Variants in SVIL observed in about 807,000 individuals in gnomAD.
The protein encoded by SVIL is supervillin.
A neutral mutation model predicts 240.4 loss-of-function variants in SVIL; 101 were observed. The ratio of observed to expected loss-of-function variants is 0.42; its 90% CI spans 0.36 to 0.50. The LOEUF (loss-of-function observed/expected upper bound fraction) is 0.50, where lower values mean the gene tolerates loss of function less well. Ranked by LOEUF, SVIL falls within the 20% of genes least tolerant of loss-of-function variation. The probability of loss-of-function intolerance (pLI) is 0.01; values close to 1 mark genes in which losing one functional copy is unlikely to be tolerated. For synonymous variants in SVIL, 999 were observed against 1,100.0 expected (o/e 0.91, Z 1.82); for missense variants, 2,512 against 2,818.7 (o/e 0.89, Z 2.46).
At position 29,481,878 on chromosome 10, in the gene SVIL, A is replaced by G. The variant is rs531783968; in HGVS notation, c.4956-150T>C. 6.5e-6 allele frequency: 5 copies of G among 774,592 alleles called. No homozygotes were observed. The African/African-American group carries it at 8.8e-5, about 14-fold the overall frequency. The allele number at this position is 774,592 out of a possible 1,614,324, so 48.0% of individuals were successfully genotyped here. On this transcript the variant is annotated intron_variant, in intron 27 of 37. Coordinates refer to ENST00000355867, the MANE Select transcript of SVIL (RefSeq NM_021738.3). Reference sequence around the variant, plus strand: ...TAAAGTAAATGGTTTATTTTCCTGCATTTTACCAAATAATGACATTTTGTT... The same window carrying G: ...TAAAGTAAATGGTTTATTTTCCTGCGTTTTACCAAATAATGACATTTTGTT...
At chr10:29,670,621 T>G (rs1959691846) in intron 2 of SVIL, among the ~76,000 whole-genome samples, 1 of 152,034 alleles carries the variant, frequency 6.6e-6, no homozygotes, top group African/African-American at 2.4e-5. Context: ...ATAGATTATT[T>G]TCTTCAGCTG....
rs1441371965 is a variant in SVIL at position 29,554,890 on chromosome 10, G to A, written c.53C>T (p.Thr18Ile). ...GCAGCTCTGCAAGAGGATGGGCTGAGTGTCATTTTCAATCCCTTCCAGGCG... is the reference window on the plus strand; with the variant it reads ...GCAGCTCTGCAAGAGGATGGGCTGAATGTCATTTTCAATCCCTTCCAGGCG... The part of the protein sequence containing the change: ...ARRLEGIEND[T>I]QPILLQSCTG... The change falls in exon 5 of 38, where the codon ACT becomes ATT. Residue 18 changes from threonine (T) to isoleucine (I), a missense_variant. Physicochemically the swap from Thr to Ile is moderately conservative, Grantham distance 89 (BLOSUM62 -1). Around this residue, in one of 3 missense-constraint regions of SVIL, gnomAD observed 1,443 missense variants for 1,486.6 expected, o/e 0.97. Coordinates refer to ENST00000355867, the MANE Select transcript of SVIL (RefSeq NM_021738.3). 2 of 1,613,648 alleles carry A rather than the reference G, an allele frequency of 1.2e-6. No homozygotes were observed. The highest frequency in any genetic ancestry group is 1.7e-6 in the Non-Finnish European group (2 of 1,179,818).
chr10:29,729,545 T>C (rs1021049041), intron 1 of SVIL, among the ~76,000 whole-genome samples: 27 of 150,514 alleles, frequency 1.8e-4, no homozygotes, highest in Admixed American at 5.3e-4. Flanking sequence ...TGTTTAAAAG[T>C]TGGCAATTGG....
chr10:29,637,046 C>A (rs369285207), upstream of SVIL, among the ~76,000 whole-genome samples: 6 of 152,156 alleles, frequency 3.9e-5, no homozygotes, highest in African/African-American at 1.4e-4. Flanking sequence ...TGGGCTCCAG[C>A]TGTCCTCCCA....
At chr10:29,524,820 C>G in intron 13 of SVIL, 105 bp from the exon 14 acceptor site, 1 of 1,541,978 alleles carries the variant, frequency 6.5e-7, no homozygotes, top group Non-Finnish European at 8.7e-7. Flanking sequence ...TTGCAAAGGG[C>G]TTCTTTTTCC....
intron 1 of SVIL, among the ~76,000 whole-genome samples, chr10:29,730,673 A>C (rs1964567224): frequency 6.6e-6 from 1 of 152,244 alleles, no homozygotes. Flanking sequence ...TTGTGGGTGC[A>C]ACTCAGCAAC....
chr10:29,575,856 G>T (rs960295194), intron 1 of SVIL, among the ~76,000 whole-genome samples: 11 of 152,046 alleles, frequency 7.2e-5, no homozygotes, highest in African/African-American at 2.4e-4. Flanking sequence ...TTTTTTAAGG[G>T]TTGAGAAATA....
chr10:29,572,775 A>AAAAG (rs1554860627), intron 1 of SVIL, among the ~76,000 whole-genome samples: 7 of 151,200 alleles, frequency 4.6e-5, no homozygotes, highest in African/African-American at 9.7e-5. Context: ...AAAAAAAAAA[A>AAAAG]AAAAAAGAAA....
intron 1 of SVIL, chr10:29,602,362 G>C: frequency 2.0e-6 from 1 of 508,208 alleles, no homozygotes; most frequent in Admixed American, 2.1e-5. Flanking sequence ...TGCCGTACCT[G>C]CTTAACCTGC....
chr10:29,629,972 T>C (rs756935101), intron 1 of SVIL, among the ~76,000 whole-genome samples: 3 of 150,136 alleles, frequency 2.0e-5, no homozygotes, highest in Non-Finnish European at 4.5e-5. Context: ...CAGGCAAGAC[T>C]GTCTCAAAAA....
chr10:29,676,267 C>G (rs1487165415), intron 2 of SVIL, among the ~76,000 whole-genome samples: 1 of 152,202 alleles, frequency 6.6e-6, no homozygotes, highest in Non-Finnish European at 1.5e-5. Context: ...GTGTGGTGAA[C>G]AGCAGCAGGA....
At chr10:29,719,915 G>GA (rs200727454) in intron 1 of SVIL, among the ~76,000 whole-genome samples, 125 of 152,268 alleles carry the variant, frequency 8.2e-4, no homozygotes, top group Non-Finnish European at 1.0e-3. Flanking sequence ...AATAATGGCT[G>GA]AAAAATTATG....
chr10:29,649,552 TG>T (rs769340139), intron 3 of SVIL, among the ~76,000 whole-genome samples: 1 of 152,184 alleles, frequency 6.6e-6, no homozygotes, highest in Non-Finnish European at 1.5e-5. Context: ...TTAAAAATAT[TG>T]TGTTATGGTA....
chr10:29,718,080 C>G (rs1963738022), intron 1 of SVIL, among the ~76,000 whole-genome samples: 1 of 152,076 alleles, frequency 6.6e-6, no homozygotes, highest in African/African-American at 2.4e-5. Context: ...GTAATCCCAG[C>G]ACTTTGGGAG....
At chr10:29,615,306 T>C (rs895528939) in intron 1 of SVIL, among the ~76,000 whole-genome samples, 1 of 152,246 alleles carries the variant, frequency 6.6e-6, no homozygotes, top group Non-Finnish European at 1.5e-5. Flanking sequence ...TTTAAAATGA[T>C]CCTACTTCTC....
In SVIL at chr10:29,532,618, C is replaced by T. The variant is rs1352321322; in HGVS notation, c.1749G>A (p.Gly583=). Residue 583 remains glycine, a synonymous_variant, in exon 8 of 38, where the codon GGG becomes GGA. Transcript: ENST00000355867. The stretch of plus-strand genomic sequence containing the variant: ...CTTTTGTGTCCAGCATGCTGATCTC[C>T]CCATAAGGCCCTTCGGTCTTGGAGC... The part of the protein sequence containing the change: ...LPSSKTEGPY[G]EISMLDTKVS... 6.2e-7 allele frequency: 1 copy of T among 1,614,082 alleles called. No homozygotes were observed. The highest frequency in any genetic ancestry group is 8.5e-7 in the Non-Finnish European group (1 of 1,179,938).
intron 17 of SVIL, among the ~76,000 whole-genome samples, chr10:29,506,251 C>A (rs1299557522): frequency 6.6e-6 from 1 of 151,990 alleles, no homozygotes; most frequent in Non-Finnish European, 1.5e-5. Flanking sequence ...AACACAAGCT[C>A]ATTTCCCCCG....
intron 11 of SVIL, 136 bp downstream of exon 11, chr10:29,530,471 G>A: frequency 2.2e-6 from 2 of 894,614 alleles, no homozygotes; most frequent in South Asian, 1.5e-5. Flanking sequence ...TTTTTTTTGA[G>A]ATGGGGGTCT....
chr10:29,463,341 G>C (rs1944489696), intron 35 of SVIL, 151 bp downstream of exon 35: 1 of 1,000,260 alleles, frequency 1.0e-6, no homozygotes, highest in African/African-American at 1.6e-5. Context: ...AAAAGTTAAA[G>C]GGGAAAAAAT....
Sources: gnomAD v4.1 joint callset for allele counts (sites outside exome capture counted in the v4.1 genomes callset) on GRCh38, gnomAD v4.1.1 for gene constraint, gnomAD v4.1.1 regional missense constraint, MANE v1.5 for transcripts, NCBI Gene and HGNC (gene_info 2026-07-23, HGNC 2026-07-21) for gene names.